Variants in SVEP1 observed in about 807,000 individuals in gnomAD.
SVEP1 encodes the protein sushi, von Willebrand factor type A, EGF and pentraxin domain containing 1, also known as sushi, von Willebrand factor type A, EGF and pentraxin domain-containing protein 1.
SVEP1 carries 164 observed loss-of-function variants against 367.3 expected under a neutral mutation model. The ratio of observed to expected loss-of-function variants is 0.45; its 90% confidence interval spans 0.39 to 0.51. SVEP1 has a LOEUF of 0.51. Ranked by LOEUF, SVEP1 falls within the 20% of genes least tolerant of loss-of-function variation. SVEP1 has a pLI of 0.00. For missense variants in SVEP1, 4,117 were observed against 4,425.3 expected (o/e 0.93, Z 1.98); for synonymous variants, 1,666 against 1,611.6 (o/e 1.03, Z -0.81).
chr9:110,377,284 G>A lies in SVEP1; in HGVS notation c.10491C>T (p.Arg3497=), dbSNP rs769183399. ...AGAGCAACTCACGTTCTTCACAGAG[G>A]CGCCCCATCCAGCCCTCTGGACAGG... ...ACSCPEGWMG[R]LCEEPICILP... The change falls in exon 45 of 48, where the codon CGC becomes CGT. Residue 3497 remains arginine, a synonymous_variant. Transcript: ENST00000374469. 1.2e-6 allele frequency: 2 copies of A among 1,613,314 alleles called. No individual in the cohort carries two copies. The highest frequency in any genetic ancestry group is 2.7e-5 in the African/African-American group (2 of 74,898).
At chr9:110,504,399 G>T (rs769340695) in intron 5 of SVEP1, among the ~76,000 whole-genome samples, 1 of 152,100 alleles carries the variant, frequency 6.6e-6, no homozygotes, top group Non-Finnish European at 1.5e-5. Flanking sequence ...AATTGAGAGA[G>T]TACTTCTTTC....
rs888567576 is a variant in SVEP1, at chr9:110,503,095, C to T, written c.1426G>A (p.Asp476Asn). 6 of 1,610,656 alleles carry T rather than the reference C, an allele frequency of 3.7e-6. No individual in the cohort carries two copies. In the African/African-American group the frequency reaches 8.0e-5, roughly 22 times the overall value. The change falls in exon 6 of 48, where the codon GAT becomes AAT. Residue 476 changes from aspartate (D) to asparagine (N), a missense_variant. Coordinates refer to ENST00000374469, the MANE Select transcript of SVEP1 (RefSeq NM_153366.4). ...CTGTTTCCTTGACAAGTAAGCTTAT[C>T]ACTGCCTTCTAGTCTGTACCCTTCA... The part of the protein sequence containing the change: ...CDEGYRLEGS[D>N]KLTCQGNSQW...
chr9:110,457,027 T>C lies in SVEP1; in HGVS notation c.3673+229A>G, dbSNP rs530314935. On this transcript the variant is annotated intron_variant, in intron 21 of 47. Coordinates refer to ENST00000374469, the MANE Select transcript of SVEP1 (RefSeq NM_153366.4). The stretch of plus-strand genomic sequence containing the variant: ...AATTGTGGGTTATGACAAAGACTCA[T>C]AGGGAAGATGAGTCTTTATTCTTTA... 7.7e-4 allele frequency among the ~76,000 whole-genome samples: 117 copies of C among 152,298 alleles called. 1 individual carries two copies. The highest frequency in any genetic ancestry group is 2.6e-3 in the African/African-American group (107 of 41,578).
chr9:110,571,661 T>G (rs1167634240), intron 1 of SVEP1, among the ~76,000 whole-genome samples: 2 of 152,222 alleles, frequency 1.3e-5, no homozygotes, highest in Non-Finnish European at 2.9e-5. Context: ...TAGATCCAGC[T>G]AAGCTACTCC....
At chr9:110,565,605 C>T (rs1259423743) in intron 1 of SVEP1, among the ~76,000 whole-genome samples, 1 of 152,128 alleles carries the variant, frequency 6.6e-6, no homozygotes, top group African/African-American at 2.4e-5. Flanking sequence ...GTAAGAATGG[C>T]ATCTGAGAGA....
At chr9:110,471,298 T>C in intron 16 of SVEP1, 66 bp downstream of exon 16, 1 of 1,282,976 alleles carries the variant, frequency 7.8e-7, no homozygotes, top group Non-Finnish European at 1.1e-6. Flanking sequence ...AGTTGTAAAA[T>C]GGCTACACCC....
chr9:110,550,155 G>A, intron 1 of SVEP1, 51 bp from the exon 2 acceptor site: 2 of 1,600,346 alleles, frequency 1.2e-6, no homozygotes, highest in South Asian at 1.1e-5. Context: ...CTTGCCTACT[G>A]TGTGCTTCTC....
At chr9:110,392,132 A>ATT (rs1554710905) in intron 40 of SVEP1, among the ~76,000 whole-genome samples, 21,910 of 97,768 alleles carry the variant, frequency 0.22, 2,328 homozygotes, top group Middle Eastern at 0.3. Context: ...CCAATTCCTC[A>ATT]TTATATATAT....
chr9:110,390,090 CACAT>C (rs1564127202), intron 40 of SVEP1, among the ~76,000 whole-genome samples: 4 of 98,856 alleles, frequency 4.0e-5, no homozygotes, highest in Non-Finnish European at 8.4e-5. Flanking sequence ...TGTATATATA[CACAT>C]ACATACTTAT....
At position 110,579,318 on chromosome 9, in the gene SVEP1, G is replaced by A; in HGVS notation, c.226C>T (p.Arg76Trp). 1.3e-6 allele frequency: 2 copies of A among 1,561,308 alleles called. No individual in the cohort carries two copies. Among genetic ancestry groups the A allele is most frequent in the Non-Finnish European group, 1.7e-6 (2 of 1,154,700 alleles). ...AGCTCCAGGCGCTCGCTGAGCTCCC[G>A]CAGCAGCCGCACGCGTCGCCGGAAC... is the stretch of plus-strand genomic sequence containing the variant. ...QAFRRRVRLL[R>W]ELSERLELVF... The change falls in exon 1 of 48, where the codon CGG becomes TGG. Residue 76 changes from arginine (R) to tryptophan (W), a missense_variant. This residue lies in a region of SVEP1 where 161 missense variants were observed against 122.4 expected (regional missense o/e 1.32). Transcript: ENST00000374469. This position sits in a 1 kb window ranked among gnomAD's most constrained non-coding sequence, Gnocchi z 5.3.
intron 1 of SVEP1, among the ~76,000 whole-genome samples, chr9:110,576,150 G>C (rs1414605375): frequency 6.6e-6 from 1 of 151,910 alleles, no homozygotes; most frequent in African/African-American, 2.4e-5. Flanking sequence ...TTTGCCTTAA[G>C]GAAATGATTA....
chr9:110,556,440 C>G (rs1239530075), intron 1 of SVEP1, among the ~76,000 whole-genome samples: 1 of 152,162 alleles, frequency 6.6e-6, no homozygotes, highest in Non-Finnish European at 1.5e-5. Flanking sequence ...CCATTGTGAC[C>G]AGCCTTCACT....
chr9:110,572,132 A>C (rs1284534703), intron 1 of SVEP1, among the ~76,000 whole-genome samples: 2 of 152,236 alleles, frequency 1.3e-5, no homozygotes, highest in Non-Finnish European at 2.9e-5. Context: ...GGGGCACAAA[A>C]AGACCAGGTG....
intron 13 of SVEP1, 36 bp from the exon 14 acceptor site, chr9:110,476,351 C>A (rs749105215): frequency 6.7e-7 from 1 of 1,482,286 alleles, no homozygotes; most frequent in Non-Finnish European, 9.4e-7. Context: ...AAGTGTAAAT[C>A]ACTTTTCTGC....
intron 36 of SVEP1, among the ~76,000 whole-genome samples, chr9:110,415,172 T>C (rs184926601): frequency 6.6e-6 from 1 of 152,198 alleles, no homozygotes; most frequent in East Asian, 1.9e-4. Flanking sequence ...GAAATGAGAC[T>C]TCTTGCTTCT....
chr9:110,539,622 T>TA (rs544221922), intron 3 of SVEP1, among the ~76,000 whole-genome samples: 1 of 150,652 alleles, frequency 6.6e-6, no homozygotes, highest in Non-Finnish European at 1.5e-5. Context: ...AAAGTATATA[T>TA]ATACACATAT....
rs1458728292 is a variant in SVEP1 at position 110,408,396 on chromosome 9, T to C, written c.7204A>G (p.Ser2402Gly). Reference sequence around the variant, plus strand: ...CCTACACAAGAATACTTGACAGTACTTCCAAAATGAAGAGCAGAAGAAGGA... The same window carrying C: ...CCTACACAAGAATACTTGACAGTACCTCCAAAATGAAGAGCAGAAGAAGGA... The part of the protein sequence containing the change: ...PIPSSALHFG[S>G]TVKYSCVGGF... The change falls in exon 38 of 48, where the codon AGT becomes GGT. Residue 2402 changes from serine (S) to glycine (G), a missense_variant. Ser to Gly is a moderately conservative substitution (Grantham distance 56). Transcript: ENST00000374469. 6.2e-7 allele frequency: 1 copy of C among 1,613,892 alleles called. No homozygotes were observed. Among genetic ancestry groups the C allele is most frequent in the South Asian group, 1.1e-5 (1 of 91,064 alleles).
intron 5 of SVEP1, among the ~76,000 whole-genome samples, chr9:110,510,277 T>A (rs934124833): frequency 6.6e-6 from 1 of 152,208 alleles, no homozygotes; most frequent in African/African-American, 2.4e-5. Context: ...GCCTCTCAAG[T>A]TGACTTGTCA....
At chr9:110,427,042 C>G (rs1400929083) in intron 36 of SVEP1, among the ~76,000 whole-genome samples, 2 of 152,064 alleles carry the variant, frequency 1.3e-5, no homozygotes, top group Admixed American at 1.3e-4. Context: ...GGTGCAGTGG[C>G]TCATGTCTGT....
Sources: gnomAD v4.1 joint callset for allele counts (sites outside exome capture counted in the v4.1 genomes callset) on GRCh38, gnomAD v4.1.1 for gene constraint, gnomAD v4.1.1 regional missense constraint, Gnocchi (gnomAD v3.1) non-coding constraint, MANE v1.5 for transcripts, NCBI Gene and HGNC (gene_info 2026-07-23, HGNC 2026-07-21) for gene names.